ZNF821: variants seen among roughly 807,000 people sequenced by gnomAD.
ZNF821 encodes the protein zinc finger protein 821.
A neutral mutation model predicts 44.3 loss-of-function variants in ZNF821; 16 were observed. The observed-to-expected ratio is 0.36, with a 90% confidence interval of 0.24 to 0.55. ZNF821 has a LOEUF of 0.55. Among genes scored for constraint, ZNF821 ranks in the 20% least tolerant of loss-of-function variants. The probability of loss-of-function intolerance (pLI) is 0.86; values close to 1 mark genes in which losing one functional copy is unlikely to be tolerated. For missense variants in ZNF821, 436 were observed against 547.6 expected (o/e 0.80, Z 2.03); for synonymous variants, 204 against 197.6 (o/e 1.03, Z -0.27).
In ZNF821 at chr16:71,877,552, G is replaced by A. The variant is rs77068349; in HGVS notation, c.40+2355C>T. Reference sequence around the variant, plus strand: ...TGGGATTACAGTGGTGAGCCACTGCGCCCAGCCTATATAGCATGTTTTTAA... The same window carrying A: ...TGGGATTACAGTGGTGAGCCACTGCACCCAGCCTATATAGCATGTTTTTAA... On this transcript the variant is annotated intron_variant, in intron 3 of 7. Coordinates refer to ENST00000425432, the MANE Select transcript of ZNF821 (RefSeq NM_001201552.2). Among the ~76,000 whole-genome samples, 6 of 152,116 alleles carry A rather than the reference G, an allele frequency of 3.9e-5. No homozygotes were observed. The East Asian group carries it at 1.2e-3, about 29-fold the overall frequency.
chr16:71,891,646 G>A (rs922970367), intron 1 of ZNF821, among the ~76,000 whole-genome samples: 2 of 152,202 alleles, frequency 1.3e-5, no homozygotes, highest in Admixed American at 6.5e-5. Flanking sequence ...GGCCGAAGCC[G>A]GCAGATCACT....
Position 71,884,028 on chromosome 16 carries a change from T to C in ZNF821, c.-261A>G, listed in dbSNP as rs1474684190. The C allele has an allele frequency of 4.0e-5, 6 of 151,892 alleles. No homozygotes were observed. Among genetic ancestry groups the C allele is most frequent in the African/African-American group, 7.2e-5 (3 of 41,444 alleles). The allele number at this position is 151,892 out of a possible 1,614,324, so 9.4% of individuals were successfully genotyped here. On this transcript the variant is annotated 5_prime_UTR_variant, in exon 1 of 8. Transcript: ENST00000425432. The stretch of plus-strand genomic sequence containing the variant: ...CAGCCGGGCCGGGGCGCTCCGGGAC[T>C]GGGCCCCGGCGAGCGGAAGGGGCTC...
At chr16:71,861,341 G>A (rs2033862863) in intron 7 of ZNF821, among the ~76,000 whole-genome samples, 1 of 152,200 alleles carries the variant, frequency 6.6e-6, no homozygotes, top group African/African-American at 2.4e-5. Context: ...CTTCAGGCAA[G>A]GTGCAGACCA....
At chr16:71,869,996 C>T (rs1176209710) in intron 3 of ZNF821, among the ~76,000 whole-genome samples, 1 of 152,186 alleles carries the variant, frequency 6.6e-6, no homozygotes, top group Non-Finnish European at 1.5e-5. Context: ...TTAGAAGCTT[C>T]CTCAGATGGT....
At chr16:71,880,686 A>T (rs1263731961) in intron 2 of ZNF821, among the ~76,000 whole-genome samples, 1 of 152,238 alleles carries the variant, frequency 6.6e-6, no homozygotes, top group Non-Finnish European at 1.5e-5. Flanking sequence ...GAAGAGACAG[A>T]TGCCATCCAC....
At chr16:71,887,560 CCT>C (rs1481026432), upstream of ZNF821, among the ~76,000 whole-genome samples, 1 of 152,152 alleles carries the variant, frequency 6.6e-6, no homozygotes, top group Non-Finnish European at 1.5e-5. Flanking sequence ...CGCGCGCAGC[CCT>C]CTGTGTTCAA....
intron 7 of ZNF821, among the ~76,000 whole-genome samples, chr16:71,861,059 T>C (rs750824313): frequency 6.6e-6 from 1 of 152,130 alleles, no homozygotes; most frequent in East Asian, 1.9e-4. Flanking sequence ...TTTCACCACA[T>C]TGGTCAGGCT....
chr16:71,870,435 T>C lies in ZNF821; in HGVS notation c.41-2398A>G, dbSNP rs1170042897. 4.0e-5 allele frequency among the ~76,000 whole-genome samples: 6 copies of C among 151,236 alleles called. No individual in the cohort carries two copies. In the East Asian group the frequency reaches 1.2e-3, roughly 29 times the overall value. ...CCCTTTGCAGAAGTGAAATACTTAA[T>C]TTCTCCATGCTGGTTACACTGCACC... is the stretch of plus-strand genomic sequence containing the variant. On this transcript the variant is annotated intron_variant, in intron 3 of 7. Transcript: ENST00000425432.
At chr16:71,887,215 C>T (rs955574092), upstream of ZNF821, among the ~76,000 whole-genome samples, 13 of 149,648 alleles carry the variant, frequency 8.7e-5, no homozygotes, top group South Asian at 2.3e-3. Context: ...ATACATATAT[C>T]TAAGAGTGGA....
In ZNF821 at chr16:71,883,238, G is replaced by A. The variant is rs951452964; in HGVS notation, c.-105C>T. 1 of 456,300 alleles carries A rather than the reference G, an allele frequency of 2.2e-6. No homozygotes were observed. Among genetic ancestry groups the A allele is most frequent in the Admixed American group, 2.3e-5 (1 of 42,564 alleles). 28.3% of individuals were successfully genotyped at this position (456,300 alleles called of 1,614,324 possible). On this transcript the variant is annotated 5_prime_UTR_variant, in exon 2 of 8. Transcript: ENST00000425432. ...CCAGCTCTGGTGCAGTTCCCACGGA[G>A]CAAAGCAAACTCGACTGAATCCAAG...
intron 4 of ZNF821, among the ~76,000 whole-genome samples, chr16:71,866,317 A>C (rs1027205418): frequency 2.6e-5 from 4 of 152,214 alleles, no homozygotes; most frequent in Non-Finnish European, 5.9e-5. Flanking sequence ...CTTCATGAGA[A>C]GGTCTAACCA....
rs1185542177 is a variant in ZNF821, at chr16:71,860,743, T to C, written c.585-71A>G. 4 of 1,499,724 alleles carry C rather than the reference T, an allele frequency of 2.7e-6. No individual in the cohort carries two copies. The highest frequency in any genetic ancestry group is 1.9e-4 in the Middle Eastern group (1 of 5,272). 92.9% of individuals were successfully genotyped at this position (1,499,724 alleles called of 1,614,324 possible). On this transcript the variant is annotated intron_variant, in intron 7 of 7. Transcript: ENST00000425432. This position sits in a 1 kb window ranked among gnomAD's most constrained non-coding sequence, Gnocchi z 7.3. The stretch of plus-strand genomic sequence containing the variant: ...AGTCGGGACTCCAGCCCTGCCTTAT[T>C]CTTTTCCTATGAGGCCAGTGGCTCC...
chr16:71,870,727 G>A (rs890700984), intron 3 of ZNF821, among the ~76,000 whole-genome samples: 2 of 152,006 alleles, frequency 1.3e-5, no homozygotes, highest in African/African-American at 4.8e-5. Flanking sequence ...TGATCCTCCC[G>A]CCTCGGCCTC....
chr16:71,867,867 C>T, intron 4 of ZNF821, 45 bp downstream of exon 4: 2 of 1,529,736 alleles, frequency 1.3e-6, no homozygotes, highest in Non-Finnish European at 1.8e-6. Flanking sequence ...TCTGATAATT[C>T]TTCTCCCATT....
rs757777369 is a variant in ZNF821, at chr16:71,860,409, CTCT to C, written c.845_847del (p.Lys282del). 6.2e-7 allele frequency: 1 copy of C among 1,612,934 alleles called. No individual in the cohort carries two copies. Among genetic ancestry groups the C allele is most frequent in the African/African-American group, 1.3e-5 (1 of 74,930 alleles). Reference sequence around the variant, plus strand: ...CTCGGGGGTCTCATTGTCCCGCCGGCTCTTCTTGGCCGTGCGCTCTCGTTCCAG... The same window carrying C: ...CTCGGGGGTCTCATTGTCCCGCCGGCTCTTGGCCGTGCGCTCTCGTTCCAG... On this transcript the variant is annotated inframe_deletion, in exon 8 of 8. Transcript: ENST00000425432. This position sits in a 1 kb window ranked among gnomAD's most constrained non-coding sequence, Gnocchi z 7.3.
At chr16:71,882,412 C>G (rs545905617) in intron 2 of ZNF821, 1 of 152,082 alleles carries the variant, frequency 6.6e-6, no homozygotes, top group South Asian at 2.1e-4. Flanking sequence ...TTTCTCCCTT[C>G]AAGATCAGAA....
chr16:71,878,823 C>T (rs111928031), intron 3 of ZNF821, among the ~76,000 whole-genome samples: 6 of 151,526 alleles, frequency 4.0e-5, no homozygotes, highest in African/African-American at 1.2e-4. Context: ...CCCAGCTACT[C>T]GGCAGGTTGC....
chr16:71,892,631 G>A (rs1169432029), intron 1 of ZNF821, among the ~76,000 whole-genome samples: 1 of 151,070 alleles, frequency 6.6e-6, no homozygotes, highest in Non-Finnish European at 1.5e-5. Context: ...GAATGCAGGG[G>A]CGTTATCTCG....
chr16:71,879,388 T>G (rs924991845), intron 3 of ZNF821, among the ~76,000 whole-genome samples: 4 of 152,130 alleles, frequency 2.6e-5, no homozygotes, highest in African/African-American at 7.2e-5. Context: ...TTCAGGCGCA[T>G]GGTCTAGAGG....
Sources: allele counts gnomAD v4.1 joint callset (sites outside exome capture counted in the v4.1 genomes callset), GRCh38; gene constraint gnomAD v4.1.1; non-coding constraint Gnocchi (gnomAD v3.1); transcripts MANE v1.5; gene names NCBI Gene and HGNC (gene_info 2026-07-23, HGNC 2026-07-21).